Variants in DGKH observed in about 807,000 individuals in gnomAD.
DGKH encodes diacylglycerol kinase eta, also known as DAG kinase eta.
Under a neutral mutation model 159.3 loss-of-function variants are expected in DGKH, and 90 were observed. The observed-to-expected ratio is 0.57, with a 90% confidence interval of 0.48 to 0.67. The LOEUF (loss-of-function observed/expected upper bound fraction) is 0.67. Among genes scored for constraint, DGKH ranks in the 30% least tolerant of loss-of-function variants. The pLI, the probability that DGKH is intolerant of heterozygous loss-of-function variation, is 0.00. For missense variants in DGKH, 1,181 were observed against 1,506.1 expected, an observed-to-expected ratio of 0.78 and a Z score of 3.57; for synonymous variants, 536 against 553.8, an observed-to-expected ratio of 0.97 and a Z score of 0.45.
chr13:42,206,199 A>T, intron 21 of DGKH, 53 bp downstream of exon 21: 2 of 1,198,750 alleles, frequency 1.7e-6, no homozygotes, highest in Non-Finnish European at 2.2e-6. Flanking sequence ...ATATCACTGG[A>T]ATAATTTGCT....
At position 42,048,905 on chromosome 13, in the gene DGKH, G is replaced by A. The variant is rs755665742; in HGVS notation, c.132G>A (p.Glu44=). 5.1e-5 allele frequency: 69 copies of A among 1,359,344 alleles called. No individual in the cohort carries two copies. In the East Asian group the frequency reaches 1.7e-3, roughly 34 times the overall value. 84.2% of individuals were successfully genotyped at this position (1,359,344 alleles called of 1,614,324 possible). ...AGGATTCGTCTGACAGCGAAGCGGA[G>A]CAAGAGGGACCCCAGAAACTGATCC... is the stretch of plus-strand genomic sequence containing the variant. The part of the protein sequence containing the change: ...PGEDSSDSEA[E]QEGPQKLIRK... Residue 44 remains glutamate, a synonymous_variant, in exon 1 of 30, where the codon GAG becomes GAA. Transcript: ENST00000337343. The surrounding 1 kb of genome is among the most constrained non-coding windows in gnomAD (Gnocchi z 6.7).
At chr13:42,145,524 GT>G (rs1175470541) in intron 3 of DGKH, among the ~76,000 whole-genome samples, 1 of 152,100 alleles carries the variant, frequency 6.6e-6, no homozygotes, top group African/African-American at 2.4e-5. Context: ...CAAGGCAGAA[GT>G]TAGTCTTTGT....
chr13:42,044,138 A>G (rs923048279), upstream of DGKH: 1 of 152,304 alleles, frequency 6.6e-6, no homozygotes, highest in Non-Finnish European at 1.5e-5. Flanking sequence ...GATTACTGGC[A>G]TGAGCCACTG....
At chr13:42,219,420 A>T (rs1957906810) in intron 27 of DGKH, 71 bp downstream of exon 27, 3 of 1,558,078 alleles carry the variant, frequency 1.9e-6, no homozygotes, top group Non-Finnish European at 2.6e-6. Context: ...TCATCTTTGA[A>T]AAAGAGATAT....
rs936036829 is a variant in DGKH at position 42,165,423 on chromosome 13, C to T, written c.948C>T (p.Thr316=). The T allele has an allele frequency of 1.3e-5, 21 of 1,558,618 alleles. No individual in the cohort carries two copies. Among genetic ancestry groups the T allele is most frequent in the African/African-American group, 2.8e-5 (2 of 72,230 alleles). ...SIIPPIALNS[T]DSDGFCRATF... ...TACCTCCAATTGCACTAAACAGCAC[C>T]GATTCCGATGGTATGTAGCAGTAGT... The change falls in exon 8 of 30, where the codon ACC becomes ACT. Residue 316 remains threonine, a synonymous_variant. Coordinates refer to ENST00000337343, the MANE Select transcript of DGKH (RefSeq NM_178009.5).
At chr13:42,179,563 CA>C (rs781315994) in intron 13 of DGKH, among the ~76,000 whole-genome samples, 23 of 152,026 alleles carry the variant, frequency 1.5e-4, no homozygotes, top group Non-Finnish European at 2.9e-4. Flanking sequence ...ACTTGAAGCC[CA>C]GGAGTTCAAG....
At chr13:42,199,353 A>G (rs1214819728) in intron 18 of DGKH, among the ~76,000 whole-genome samples, 1 of 152,172 alleles carries the variant, frequency 6.6e-6, no homozygotes, top group Non-Finnish European at 1.5e-5. Context: ...TGTGTGTCTT[A>G]CTCACCATCC....
At chr13:42,149,276 T>G (rs919006202) in intron 3 of DGKH, among the ~76,000 whole-genome samples, 1 of 152,164 alleles carries the variant, frequency 6.6e-6, no homozygotes, top group Non-Finnish European at 1.5e-5. Flanking sequence ...CAAAGCATTC[T>G]CAGATCCTCT....
At chr13:42,121,729 G>A (rs1222008410) in intron 1 of DGKH, among the ~76,000 whole-genome samples, 2 of 152,184 alleles carry the variant, frequency 1.3e-5, no homozygotes, top group Non-Finnish European at 2.9e-5. Context: ...AGACACATGA[G>A]ACTATAGCAT....
intron 3 of DGKH, among the ~76,000 whole-genome samples, chr13:42,132,198 G>A (rs1391702475): frequency 2.0e-5 from 3 of 151,942 alleles, no homozygotes; most frequent in Non-Finnish European, 4.4e-5. Flanking sequence ...GTGATGTTTC[G>A]ATATATGCAA....
intron 1 of DGKH, chr13:42,066,250 ATAGG>A (rs1882568322): frequency 6.6e-6 from 1 of 152,214 alleles, no homozygotes; most frequent in Non-Finnish European, 1.5e-5. Context: ...AGCGTTATTC[ATAGG>A]AGCCAAAAAG....
intron 1 of DGKH, among the ~76,000 whole-genome samples, chr13:42,117,055 A>G (rs1954981201): frequency 1.3e-5 from 2 of 152,194 alleles, no homozygotes; most frequent in Non-Finnish European, 2.9e-5. Context: ...TAACTGCCAG[A>G]TTATATGACT....
chr13:42,048,781 G>A lies in DGKH; in HGVS notation c.8G>A (p.Gly3Glu). ...CCGCAGGAGTCGGAGAGGATGGCAG[G>A]GGCCGGAGGCCAGCACCACCCTCCG... MA[G>E]AGGQHHPPGA... The change falls in exon 1 of 30, where the codon GGG (glycine) becomes GAG (glutamate). Residue 3 changes from glycine (G) to glutamate (E), a missense_variant. Gly to Glu is a moderately conservative substitution (Grantham distance 98, BLOSUM62 -2). Coordinates refer to ENST00000337343, the MANE Select transcript of DGKH (RefSeq NM_178009.5). This position sits in a 1 kb window ranked among gnomAD's most constrained non-coding sequence, Gnocchi z 6.7. 1 of 1,301,228 alleles carries A rather than the reference G, an allele frequency of 7.7e-7. No individual in the cohort carries two copies. The highest frequency in any genetic ancestry group is 9.8e-7 in the Non-Finnish European group (1 of 1,020,002). The allele number at this position is 1,301,228 out of a possible 1,614,324, so 80.6% of individuals were successfully genotyped here. A position where few individuals can be genotyped will look rare whatever the true frequency, so the allele number is the denominator to read the frequency against.
intron 26 of DGKH, among the ~76,000 whole-genome samples, chr13:42,219,009 A>G (rs1957888582): frequency 6.6e-6 from 1 of 152,218 alleles, no homozygotes; most frequent in East Asian, 1.9e-4. Context: ...CTAGCTACTC[A>G]TATGATCTTT....
chr13:42,049,141 T>C (rs1481527931), intron 1 of DGKH, among the ~76,000 whole-genome samples, 176 bp downstream of exon 1: 2 of 63,646 alleles, frequency 3.1e-5, no homozygotes, highest in Non-Finnish European at 6.1e-5. Context: ...GCGGGGATGG[T>C]GAGACGGTGA....
chr13:42,248,343 A>G (rs1280347749), intron 29 of DGKH, among the ~76,000 whole-genome samples: 2 of 151,620 alleles, frequency 1.3e-5, no homozygotes, highest in Admixed American at 6.6e-5. Flanking sequence ...AATCGTCTGA[A>G]CCCGGGAGGC....
intron 3 of DGKH, among the ~76,000 whole-genome samples, chr13:42,134,002 C>T (rs1312956158): frequency 1.3e-5 from 2 of 152,108 alleles, no homozygotes; most frequent in Admixed American, 6.6e-5. Flanking sequence ...CCAGGAATGG[C>T]CAAATTCGAC....
chr13:42,193,745 T>C (rs928453491), intron 16 of DGKH, among the ~76,000 whole-genome samples: 3 of 152,216 alleles, frequency 2.0e-5, no homozygotes, highest in Non-Finnish European at 4.4e-5. Flanking sequence ...TCTGTTACTT[T>C]AGTGCAATGG....
rs1594262567 is a variant in DGKH at position 42,238,045 on chromosome 13, G to A, written c.*8857G>A. 1.3e-5 allele frequency: 2 copies of A among 152,148 alleles called. No homozygotes were observed. Among genetic ancestry groups the A allele is most frequent in the Non-Finnish European group, 2.9e-5 (2 of 68,012 alleles). The allele number at this position is 152,148 out of a possible 1,614,324, so 9.4% of individuals were successfully genotyped here. On this transcript the variant is annotated 3_prime_UTR_variant, in exon 30 of 30. Transcript: ENST00000337343. Reference sequence around the variant, plus strand: ...AGTTCTGTAACTGACTTTGGCATTGGCTCATTGTGTCCTTTCTACAAGTTA... The same window carrying A: ...AGTTCTGTAACTGACTTTGGCATTGACTCATTGTGTCCTTTCTACAAGTTA...
Sources: gnomAD v4.1 joint callset for allele counts (sites outside exome capture counted in the v4.1 genomes callset) on GRCh38, gnomAD v4.1.1 for gene constraint, Gnocchi (gnomAD v3.1) non-coding constraint, MANE v1.5 for transcripts, NCBI Gene and HGNC (gene_info 2026-07-23, HGNC 2026-07-21) for gene names.